Variants in CAMKMT observed in about 807,000 individuals in gnomAD.
The protein encoded by CAMKMT is CaM KMT.
Under a neutral mutation model 48.0 loss-of-function variants are expected in CAMKMT, and 53 were observed. The ratio of observed to expected loss-of-function variants is 1.10; its 90% confidence interval spans 0.89 to 1.39. CAMKMT has a LOEUF of 1.39. Among genes scored for constraint, CAMKMT ranks in the 40% most tolerant of loss-of-function variants. The pLI is 0.00. For synonymous variants in CAMKMT, 165 were observed against 152.3 expected, an observed-to-expected ratio of 1.08 and a Z score of -0.61; for missense variants, 428 against 402.7, an observed-to-expected ratio of 1.06 and a Z score of -0.54.
In CAMKMT at chr2:44,692,749, C is replaced by A. The variant is rs189127801; in HGVS notation, c.377-11534C>A. On this transcript the variant is annotated intron_variant, in intron 3 of 10. Transcript: ENST00000378494. ...TGTAGCTTTTTATAGTTGAAGACCC[C>A]CCAGACATAATCTAACCCAAGGCTA... 3.3e-5 allele frequency among the ~76,000 whole-genome samples: 5 copies of A among 152,268 alleles called. No individual in the cohort carries two copies. The East Asian group carries it at 9.6e-4, about 29-fold the overall frequency.
chr2:44,423,868 C>T (rs1684092571), intron 3 of CAMKMT, among the ~76,000 whole-genome samples: 1 of 152,280 alleles, frequency 6.6e-6, no homozygotes, highest in African/African-American at 2.4e-5. Flanking sequence ...AGTCTTCTGG[C>T]AGTTATTTCC....
intron 8 of CAMKMT, among the ~76,000 whole-genome samples, chr2:44,748,421 C>T (rs950901172): frequency 3.3e-5 from 5 of 151,940 alleles, no homozygotes; most frequent in Admixed American, 6.6e-5. Context: ...ACGATCTTAC[C>T]GGTTTTAGGA....
At chr2:44,600,920 A>G (rs1670949156) in intron 3 of CAMKMT, among the ~76,000 whole-genome samples, 1 of 152,102 alleles carries the variant, frequency 6.6e-6, no homozygotes, top group Admixed American at 6.5e-5. Flanking sequence ...AATTTTGATA[A>G]CTGTACATTA....
At chr2:44,404,359 A>C (rs941492909) in intron 3 of CAMKMT, among the ~76,000 whole-genome samples, 1 of 152,026 alleles carries the variant, frequency 6.6e-6, no homozygotes, top group Non-Finnish European at 1.5e-5. Context: ...ATATGTATGC[A>C]TTTTCCATTG....
intron 3 of CAMKMT, among the ~76,000 whole-genome samples, chr2:44,415,680 C>T (rs535156915): frequency 1.3e-5 from 2 of 152,216 alleles, no homozygotes; most frequent in South Asian, 2.1e-4. Context: ...AGGAATTATA[C>T]GTTTAAAGTC....
At chr2:44,725,596 T>G (rs1678736092) in intron 7 of CAMKMT, among the ~76,000 whole-genome samples, 1 of 152,306 alleles carries the variant, frequency 6.6e-6, no homozygotes, top group South Asian at 2.1e-4. Context: ...AGCTGTGATC[T>G]AGCAAATTAA....
chr2:44,529,097 T>TAATAAATAAAAGGTTTGTATAA (rs1209287658), intron 3 of CAMKMT, among the ~76,000 whole-genome samples: 4 of 152,200 alleles, frequency 2.6e-5, no homozygotes, highest in African/African-American at 9.7e-5. Context: ...AAAAGGCAGA[T>TAATAAATAAAAGGTTTGTATAA]TAAATGCTTG....
At chr2:44,425,248 A>G (rs1039741032) in intron 3 of CAMKMT, among the ~76,000 whole-genome samples, 40 of 152,210 alleles carry the variant, frequency 2.6e-4, no homozygotes, top group African/African-American at 9.4e-4. Context: ...TTATCTTATC[A>G]TTATCTTACC....
chr2:44,399,924 T>C (rs528516085), intron 3 of CAMKMT, among the ~76,000 whole-genome samples: 1 of 152,350 alleles, frequency 6.6e-6, no homozygotes, highest in African/African-American at 2.4e-5. Flanking sequence ...AAAAGTGCTC[T>C]GATTTGGATG....
At chr2:44,581,793 G>A (rs1488953044) in intron 3 of CAMKMT, among the ~76,000 whole-genome samples, 1 of 152,160 alleles carries the variant, frequency 6.6e-6, no homozygotes, top group East Asian at 1.9e-4. Flanking sequence ...AAAGTCAGGA[G>A]TTCGAGACCA....
chr2:44,424,583 T>C (rs1224849799), intron 3 of CAMKMT, among the ~76,000 whole-genome samples: 3 of 152,182 alleles, frequency 2.0e-5, no homozygotes, highest in African/African-American at 7.2e-5. Context: ...GGAATACTTC[T>C]CAGCCATAAA....
intron 3 of CAMKMT, among the ~76,000 whole-genome samples, chr2:44,505,542 A>G (rs1670215773): frequency 6.6e-6 from 1 of 152,146 alleles, no homozygotes; most frequent in Admixed American, 6.5e-5. Flanking sequence ...TCTGTGGTCC[A>G]GTTTGAGTTA....
At chr2:44,677,652 G>T (rs996259225) in intron 3 of CAMKMT, among the ~76,000 whole-genome samples, 32 of 152,058 alleles carry the variant, frequency 2.1e-4, no homozygotes, top group African/African-American at 7.5e-4. Flanking sequence ...ATGTTGCAGT[G>T]AGCCGAGATG....
At chr2:44,599,625 C>G (rs553176749) in intron 3 of CAMKMT, among the ~76,000 whole-genome samples, 3 of 151,676 alleles carry the variant, frequency 2.0e-5, no homozygotes, top group Admixed American at 1.3e-4. Flanking sequence ...TAAAAGAAAC[C>G]ACAGCTTTTT....
At chr2:44,493,640 G>C (rs908797420) in intron 3 of CAMKMT, among the ~76,000 whole-genome samples, 1 of 152,122 alleles carries the variant, frequency 6.6e-6, no homozygotes, top group African/African-American at 2.4e-5. Context: ...TGTTGCCATT[G>C]ACTTTTCCTT....
chr2:44,489,172 T>C (rs1669361263), intron 3 of CAMKMT, among the ~76,000 whole-genome samples: 1 of 152,048 alleles, frequency 6.6e-6, no homozygotes, highest in Non-Finnish European at 1.5e-5. Flanking sequence ...CGCTGGACTT[T>C]TAATTTTTGA....
intron 3 of CAMKMT, among the ~76,000 whole-genome samples, chr2:44,551,625 C>A (rs1667720747): frequency 6.6e-6 from 1 of 152,130 alleles, no homozygotes; most frequent in Non-Finnish European, 1.5e-5. Context: ...ACATCCTGGG[C>A]TCTATACCAA....
intron 8 of CAMKMT, among the ~76,000 whole-genome samples, chr2:44,751,979 A>G (rs1261118597): frequency 6.6e-6 from 1 of 152,090 alleles, no homozygotes; most frequent in African/African-American, 2.4e-5. Context: ...CGGGGAGTTC[A>G]CCAAGACAAG....
intron 7 of CAMKMT, among the ~76,000 whole-genome samples, chr2:44,733,228 A>G (rs1679176024): frequency 6.6e-6 from 1 of 152,132 alleles, no homozygotes; most frequent in African/African-American, 2.4e-5. Context: ...TCTCTCATCC[A>G]TTGTCAGAAT....
Sources: gnomAD v4.1 joint callset for allele counts (sites outside exome capture counted in the v4.1 genomes callset) on GRCh38, gnomAD v4.1.1 for gene constraint, MANE v1.5 for transcripts, NCBI Gene and HGNC (gene_info 2026-07-23, HGNC 2026-07-21) for gene names.